The following CMIP variants were observed in gnomAD, a reference collection of about 807,000 sequenced individuals.
CMIP encodes C-Maf-inducing protein.
A neutral mutation model predicts 97.3 loss-of-function variants in CMIP; 13 were observed. The observed-to-expected ratio is 0.13, with a 90% CI of 0.09 to 0.21. The LOEUF is 0.21. CMIP is among the 10% of genes least tolerant of loss of function. The pLI is 1.00. For missense variants in CMIP, 847 were observed against 1,024.9 expected (o/e 0.83, Z 2.37); for synonymous variants, 538 against 436.3 (o/e 1.23, Z -2.91).
chr16:81,622,192 C>G (rs2092001238), intron 3 of CMIP: 1 of 152,176 alleles, frequency 6.6e-6, no homozygotes, highest in African/African-American at 2.4e-5. Flanking sequence ...GTCCAAGCTC[C>G]CATCGTTAGG....
chr16:81,505,211 A>G (rs1292021365), intron 1 of CMIP, among the ~76,000 whole-genome samples: 2 of 152,244 alleles, frequency 1.3e-5, no homozygotes, highest in African/African-American at 2.4e-5. Context: ...ATCACTGCTC[A>G]TGGTTCATTG....
In CMIP at chr16:81,639,434, C is replaced by A. The variant is rs192012212; in HGVS notation, c.478-12769C>A. ...TACCCCCTCCCCCAGCCCCTGGCAT[C>A]CACCATTCTGCTTTCGGTCTCTAAG... On this transcript the variant is annotated intron_variant, in intron 3 of 20. Coordinates refer to ENST00000537098, the MANE Select transcript of CMIP (RefSeq NM_198390.3). 2.0e-5 allele frequency among the ~76,000 whole-genome samples: 3 copies of A among 152,342 alleles called. No individual in the cohort carries two copies. The East Asian group carries it at 5.8e-4, about 29-fold the overall frequency.
At chr16:81,566,328 G>A (rs984604405) in intron 1 of CMIP, among the ~76,000 whole-genome samples, 1 of 152,194 alleles carries the variant, frequency 6.6e-6, no homozygotes, top group Non-Finnish European at 1.5e-5. Context: ...GGGACACATC[G>A]GGTTCCTTGC....
intron 1 of CMIP, among the ~76,000 whole-genome samples, chr16:81,560,787 A>G (rs960685259): frequency 6.6e-6 from 1 of 152,182 alleles, no homozygotes; most frequent in African/African-American, 2.4e-5. Context: ...TGCTACAGCT[A>G]CCTACAGTAT....
rs531479557 is a variant in CMIP, at chr16:81,682,734, G to A, written c.1388+4106G>A. On this transcript the variant is annotated intron_variant, in intron 10 of 20. Coordinates refer to ENST00000537098, the MANE Select transcript of CMIP (RefSeq NM_198390.3). ...TTTCCCGCTCCACTGCCAGGGAGCA[G>A]GGGTAGTGGGGCGCAGGCCCTGATC... 2.0e-4 allele frequency among the ~76,000 whole-genome samples: 31 copies of A among 152,376 alleles called. No homozygotes were observed. In the South Asian group the frequency reaches 6.0e-3, roughly 30 times the overall value.
intron 1 of CMIP, among the ~76,000 whole-genome samples, chr16:81,581,584 T>C (rs2091296926): frequency 6.6e-6 from 1 of 152,250 alleles, no homozygotes; most frequent in African/African-American, 2.4e-5. Context: ...AACGTTGTTA[T>C]GCAGTGCTTG....
chr16:81,490,600 A>G lies in CMIP; in HGVS notation c.300+45059A>G, dbSNP rs371932689. On this transcript the variant is annotated intron_variant, in intron 1 of 20. Transcript: ENST00000537098. ...ACGCCATCGCACTCTAGCCTGGGCGACAGAGGGAGACTGTCTCAAAAACGA... is the reference window on the plus strand; with the variant it reads ...ACGCCATCGCACTCTAGCCTGGGCGGCAGAGGGAGACTGTCTCAAAAACGA... Among the ~76,000 whole-genome samples, 45 of 152,304 alleles carry G rather than the reference A, an allele frequency of 3.0e-4. No individual in the cohort carries two copies. In the East Asian group the frequency reaches 8.3e-3, roughly 28 times the overall value.
At chr16:81,512,295 T>TG (rs1397055273) in intron 1 of CMIP, among the ~76,000 whole-genome samples, 30 of 152,082 alleles carry the variant, frequency 2.0e-4, no homozygotes, top group Middle Eastern at 3.4e-3. Context: ...CCTCATGCCT[T>TG]GGTGGGGGTC....
chr16:81,485,103 C>T (rs2089295080), intron 1 of CMIP, among the ~76,000 whole-genome samples: 1 of 152,160 alleles, frequency 6.6e-6, no homozygotes, highest in East Asian at 1.9e-4. Flanking sequence ...GTGTATGGGG[C>T]TCAGACGTCT....
chr16:81,668,791 C>T (rs1452801700), intron 7 of CMIP, among the ~76,000 whole-genome samples: 1 of 152,044 alleles, frequency 6.6e-6, no homozygotes, highest in Non-Finnish European at 1.5e-5. Context: ...CAGCCTGTCA[C>T]AAACACACAT....
chr16:81,480,642 T>G (rs986647897), intron 1 of CMIP, among the ~76,000 whole-genome samples: 3 of 152,246 alleles, frequency 2.0e-5, no homozygotes, highest in Non-Finnish European at 4.4e-5. Context: ...GGGCACCTGT[T>G]GCTACTTATG....
At chr16:81,477,681 A>G (rs1045892759) in intron 1 of CMIP, among the ~76,000 whole-genome samples, 2 of 152,250 alleles carry the variant, frequency 1.3e-5, no homozygotes, top group Non-Finnish European at 2.9e-5. Flanking sequence ...TTTCTCTCGT[A>G]TAAAGGAAAT....
chr16:81,694,196 C>A (rs1906436733), intron 13 of CMIP, among the ~76,000 whole-genome samples: 1 of 152,214 alleles, frequency 6.6e-6, no homozygotes, highest in Non-Finnish European at 1.5e-5. Context: ...AGATTCGAGC[C>A]TGGTGCTGAT....
At chr16:81,625,256 C>A (rs952789073) in intron 3 of CMIP, among the ~76,000 whole-genome samples, 1 of 152,278 alleles carries the variant, frequency 6.6e-6, no homozygotes, top group African/African-American at 2.4e-5. Flanking sequence ...TGCTCCACCT[C>A]CCAGCATTCG....
intron 1 of CMIP, among the ~76,000 whole-genome samples, chr16:81,488,204 A>G (rs2089349652): frequency 6.6e-6 from 1 of 152,128 alleles, no homozygotes; most frequent in African/African-American, 2.4e-5. Context: ...ACCGTAGCAC[A>G]CCGAAGCTGA....
chr16:81,544,073 A>T (rs147576109), intron 1 of CMIP, among the ~76,000 whole-genome samples: 1 of 152,342 alleles, frequency 6.6e-6, no homozygotes, highest in Admixed American at 6.5e-5. Context: ...ACAGTTCATC[A>T]GCCCAGAAGA....
intron 1 of CMIP, chr16:81,476,302 G>A: frequency 2.6e-6 from 4 of 1,552,432 alleles, no homozygotes; most frequent in Admixed American, 1.7e-5. Flanking sequence ...CTTGCCACCA[G>A]TGCCATTACG....
At chr16:81,653,191 A>C (rs1404969254) in intron 4 of CMIP, among the ~76,000 whole-genome samples, 1 of 152,022 alleles carries the variant, frequency 6.6e-6, no homozygotes, top group Non-Finnish European at 1.5e-5. Context: ...CCTGATTTAA[A>C]CTGTGCACAG....
chr16:81,673,289 G>T (rs2092699352), intron 9 of CMIP, among the ~76,000 whole-genome samples: 1 of 152,194 alleles, frequency 6.6e-6, no homozygotes, highest in Admixed American at 6.5e-5. Context: ...GCCAAGGCGG[G>T]CAGATCACTT....
Sources: gnomAD v4.1 joint callset for allele counts (sites outside exome capture counted in the v4.1 genomes callset) on GRCh38, gnomAD v4.1.1 for gene constraint, MANE v1.5 for transcripts, NCBI Gene and HGNC (gene_info 2026-07-23, HGNC 2026-07-21) for gene names.